Variants in MYT1L observed in about 807,000 individuals in gnomAD.
MYT1L encodes the protein myelin transcription factor 1-like protein.
In MYT1L, 12 loss-of-function variants were observed where a neutral mutation model predicts 126.7. The observed-to-expected ratio is 0.09, with a 90% CI of 0.06 to 0.15. MYT1L has a LOEUF of 0.15. Among genes scored for constraint, MYT1L ranks in the 10% least tolerant of loss-of-function variants. The pLI, the probability that MYT1L is intolerant of heterozygous loss-of-function variation, is 1.00. For missense variants in MYT1L, 979 were observed against 1,585.2 expected (o/e 0.62, Z 6.49); for synonymous variants, 541 against 604.2 (o/e 0.90, Z 1.53).
intron 2 of MYT1L, among the ~76,000 whole-genome samples, chr2:2,187,714 C>T (rs2092312974): frequency 6.6e-6 from 1 of 152,114 alleles, no homozygotes. Flanking sequence ...GGTATACCTA[C>T]TTCAGCCTGG....
At chr2:2,022,251 G>T (rs951805125) in intron 4 of MYT1L, among the ~76,000 whole-genome samples, 1 of 152,118 alleles carries the variant, frequency 6.6e-6, no homozygotes, top group African/African-American at 2.4e-5. Context: ...GGTACAAGTG[G>T]ATTCTTTCTC....
chr2:2,004,782 G>GCGTTCTTTCCTGCAGT (rs2062996172), intron 4 of MYT1L, among the ~76,000 whole-genome samples: 1 of 145,760 alleles, frequency 6.9e-6, no homozygotes, highest in Non-Finnish European at 1.5e-5. Context: ...TTTCCTGCAG[G>GCGTTCTTTCCTGCAGT]CATTCTTTCC....
At chr2:1,941,492 C>T (rs1399324610) in intron 9 of MYT1L, among the ~76,000 whole-genome samples, 1 of 152,172 alleles carries the variant, frequency 6.6e-6, no homozygotes, top group Non-Finnish European at 1.5e-5. Flanking sequence ...CTACACAAAT[C>T]TATTATTTTA....
chr2:2,063,835 A>C (rs1278800939), intron 3 of MYT1L, among the ~76,000 whole-genome samples: 3 of 151,832 alleles, frequency 2.0e-5, no homozygotes, highest in Non-Finnish European at 2.9e-5. Context: ...CAAGAGTGAA[A>C]CTCTGTCTCA....
chr2:2,026,937 C>T (rs947243129), intron 4 of MYT1L, among the ~76,000 whole-genome samples: 13 of 151,390 alleles, frequency 8.6e-5, no homozygotes, highest in African/African-American at 2.9e-4. Context: ...GAGTGTGGGG[C>T]CCCGTCACGA....
chr2:2,227,594 T>C (rs2149033976), intron 2 of MYT1L, among the ~76,000 whole-genome samples: 1 of 152,330 alleles, frequency 6.6e-6, no homozygotes, highest in South Asian at 2.1e-4. Context: ...CAGACTCACA[T>C]GGAAAGCTGA....
chr2:2,111,676 C>T (rs961532899), intron 3 of MYT1L, among the ~76,000 whole-genome samples: 1 of 152,208 alleles, frequency 6.6e-6, no homozygotes, highest in Non-Finnish European at 1.5e-5. Context: ...TTGCAATCAC[C>T]AGGAACCAGG....
intron 18 of MYT1L, among the ~76,000 whole-genome samples, chr2:1,874,701 G>A (rs374574499): frequency 6.6e-6 from 1 of 152,178 alleles, no homozygotes; most frequent in African/African-American, 2.4e-5. Context: ...CTCTGCCCGT[G>A]CCGTTTGCCA....
chr2:2,005,753 G>T (rs150383820), intron 4 of MYT1L, among the ~76,000 whole-genome samples: 1,420 of 125,424 alleles, frequency 0.011, 23 homozygotes, highest in African/African-American at 0.041. Flanking sequence ...CTTTCCTGCA[G>T]GCGTTCTTTC....
intron 5 of MYT1L, among the ~76,000 whole-genome samples, chr2:1,981,536 G>A (rs2060609514): frequency 6.6e-6 from 1 of 152,208 alleles, no homozygotes; most frequent in South Asian, 2.1e-4. Flanking sequence ...AATGCTGCAG[G>A]TCAAGGAGGT....
At chr2:2,092,710 T>C (rs1458384174) in intron 3 of MYT1L, among the ~76,000 whole-genome samples, 2 of 152,224 alleles carry the variant, frequency 1.3e-5, no homozygotes, top group Non-Finnish European at 2.9e-5. Flanking sequence ...CCTGAAGTCA[T>C]AACACACGTA....
chr2:2,091,402 G>A (rs1019061130), intron 3 of MYT1L, among the ~76,000 whole-genome samples: 4 of 152,168 alleles, frequency 2.6e-5, no homozygotes, highest in African/African-American at 9.7e-5. Context: ...GGTCTCAACA[G>A]TAGGCTTGAA....
At chr2:1,821,029 T>C (rs974399672) in intron 21 of MYT1L, among the ~76,000 whole-genome samples, 1 of 152,228 alleles carries the variant, frequency 6.6e-6, no homozygotes, top group Non-Finnish European at 1.5e-5. Flanking sequence ...TTTGGACTTG[T>C]GGAGCCGGTC....
chr2:2,013,180 AG>A (rs1385378051), intron 4 of MYT1L, among the ~76,000 whole-genome samples: 1 of 152,168 alleles, frequency 6.6e-6, no homozygotes, highest in Admixed American at 6.5e-5. Flanking sequence ...CGATGTCTCA[AG>A]GAACACTCAG....
intron 3 of MYT1L, among the ~76,000 whole-genome samples, chr2:2,151,041 T>C (rs2085701881): frequency 6.6e-6 from 1 of 152,148 alleles, no homozygotes; most frequent in East Asian, 1.9e-4. Flanking sequence ...GAAAATGCTA[T>C]ACTAAGCACC....
intron 2 of MYT1L, among the ~76,000 whole-genome samples, chr2:2,184,197 G>A (rs2091881351): frequency 6.6e-6 from 1 of 152,162 alleles, no homozygotes; most frequent in Admixed American, 6.5e-5. Flanking sequence ...TATCTACCTA[G>A]AAGGAATCAC....
At chr2:2,199,307 A>G (rs1264351354) in intron 2 of MYT1L, among the ~76,000 whole-genome samples, 1 of 152,216 alleles carries the variant, frequency 6.6e-6, no homozygotes, top group Non-Finnish European at 1.5e-5. Flanking sequence ...GTTTTCAGAA[A>G]AACTATGCTT....
chr2:2,212,602 T>C (rs2093559905), intron 2 of MYT1L, among the ~76,000 whole-genome samples: 1 of 152,216 alleles, frequency 6.6e-6, no homozygotes, highest in South Asian at 2.1e-4. Flanking sequence ...ACGGGATTAG[T>C]ACTAATTAGT....
At chr2:1,836,222 G>A (rs1020497593) in intron 21 of MYT1L, among the ~76,000 whole-genome samples, 2 of 152,092 alleles carry the variant, frequency 1.3e-5, no homozygotes, top group Non-Finnish European at 2.9e-5. Flanking sequence ...CCAACAGCCT[G>A]CACCCAGTAT....
Sources: gnomAD v4.1 joint callset for allele counts (sites outside exome capture counted in the v4.1 genomes callset) on GRCh38, gnomAD v4.1.1 for gene constraint, MANE v1.5 for transcripts, NCBI Gene and HGNC (gene_info 2026-07-23, HGNC 2026-07-21) for gene names.